The following GREB1L variants were observed in gnomAD, a reference collection of about 807,000 sequenced individuals.
GREB1L encodes GREB1 like retinoic acid receptor coactivator, also known as GREB1-like protein.
GREB1L carries 17 observed loss-of-function variants against 200.8 expected under a neutral mutation model. That is an observed-to-expected ratio of 0.08 (90% CI 0.06 to 0.13). The LOEUF (loss-of-function observed/expected upper bound fraction) is 0.13, where lower values mean the gene tolerates loss of function less well. Among genes scored for constraint, GREB1L ranks in the 10% least tolerant of loss-of-function variants. The probability of loss-of-function intolerance (pLI) is 1.00; values close to 1 mark genes in which losing one functional copy is unlikely to be tolerated. For synonymous variants in GREB1L, 789 were observed against 893.0 expected, an observed-to-expected ratio of 0.88 and a Z score of 2.08; for missense variants, 1,657 against 2,367.7, an observed-to-expected ratio of 0.70 and a Z score of 6.23.
At chr18:21,404,588 G>C (rs1345053613) in intron 7 of GREB1L, among the ~76,000 whole-genome samples, 1 of 152,222 alleles carries the variant, frequency 6.6e-6, no homozygotes, top group African/African-American at 2.4e-5. Context: ...TAAGCTACCA[G>C]TCTGAGGCTT....
At chr18:21,344,945 CT>C (rs1021881573) in intron 1 of GREB1L, among the ~76,000 whole-genome samples, 1 of 152,102 alleles carries the variant, frequency 6.6e-6, no homozygotes, top group African/African-American at 2.4e-5. Flanking sequence ...CTTTGACTGC[CT>C]TTGGCTGAGT....
At position 21,283,693 on chromosome 18, in the gene GREB1L, G is replaced by A. The variant is rs551791921; in HGVS notation, c.-120+41300G>A. On this transcript the variant is annotated intron_variant, in intron 1 of 32. Transcript: ENST00000424526. ...CTCTAGGAAACATCCTTTAACATGA[G>A]CAGGGTACTCAAGTCACTGGAGTCA... 3.9e-5 allele frequency among the ~76,000 whole-genome samples: 6 copies of A among 152,304 alleles called. 1 individual carries two copies. The East Asian group carries it at 9.6e-4, about 24-fold the overall frequency.
chr18:21,358,736 G>A (rs988724069), intron 1 of GREB1L, among the ~76,000 whole-genome samples: 5 of 152,200 alleles, frequency 3.3e-5, no homozygotes, highest in African/African-American at 1.2e-4. Context: ...ATTGGGTAGC[G>A]TGTACACTGC....
At chr18:21,264,471 G>T (rs1057250762) in intron 1 of GREB1L, among the ~76,000 whole-genome samples, 11 of 152,136 alleles carry the variant, frequency 7.2e-5, no homozygotes, top group East Asian at 1.9e-4. Flanking sequence ...GATATTAAGG[G>T]TGTCATGGAT....
chr18:21,411,334 G>A (rs1305130306), intron 7 of GREB1L, among the ~76,000 whole-genome samples: 4 of 152,028 alleles, frequency 2.6e-5, no homozygotes, highest in African/African-American at 9.7e-5. Flanking sequence ...AGCCTCCCGA[G>A]TAGCTGGGAC....
intron 21 of GREB1L, among the ~76,000 whole-genome samples, chr18:21,497,953 C>T (rs914382323): frequency 6.6e-6 from 1 of 151,252 alleles, no homozygotes; most frequent in Non-Finnish European, 1.5e-5. Flanking sequence ...TCCTGAGTAG[C>T]TGGGATTACA....
At chr18:21,410,457 A>C (rs1281041965) in intron 7 of GREB1L, among the ~76,000 whole-genome samples, 1 of 152,014 alleles carries the variant, frequency 6.6e-6, no homozygotes, top group Non-Finnish European at 1.5e-5. Context: ...AAAGTTCAAG[A>C]CCAGCCTGGG....
chr18:21,440,143 T>G, intron 8 of GREB1L, 126 bp from the exon 9 acceptor site: 1 of 1,023,234 alleles, frequency 9.8e-7, no homozygotes, highest in Non-Finnish European at 1.4e-6. Context: ...AGGAGTGATT[T>G]AGACTTTCTG....
chr18:21,515,166 A>C (rs535682695), intron 28 of GREB1L, among the ~76,000 whole-genome samples: 4 of 152,092 alleles, frequency 2.6e-5, no homozygotes, highest in Admixed American at 6.6e-5. Context: ...TTCACTGTTC[A>C]CTCTGACACA....
At chr18:21,260,646 ATATT>A (rs1297960387) in intron 1 of GREB1L, among the ~76,000 whole-genome samples, 1 of 151,326 alleles carries the variant, frequency 6.6e-6, no homozygotes, top group Non-Finnish European at 1.5e-5. Context: ...CTTAACTCTT[ATATT>A]TAAAGCATTA....
intron 1 of GREB1L, among the ~76,000 whole-genome samples, chr18:21,261,106 C>G (rs1380808126): frequency 3.3e-5 from 5 of 151,958 alleles, no homozygotes; most frequent in Non-Finnish European, 7.4e-5. Context: ...AGCTTGCTAA[C>G]ATTAGCAGAA....
At chr18:21,439,734 GT>G in intron 8 of GREB1L, 97 bp downstream of exon 8, 1 of 788,232 alleles carries the variant, frequency 1.3e-6, no homozygotes, top group South Asian at 1.6e-5. Flanking sequence ...ACACTCTAGA[GT>G]TTTTTCTCAG....
At chr18:21,413,670 G>A (rs2031323495) in intron 7 of GREB1L, among the ~76,000 whole-genome samples, 1 of 152,086 alleles carries the variant, frequency 6.6e-6, no homozygotes, top group Non-Finnish European at 1.5e-5. Context: ...TGCTGAAGAG[G>A]CTCAATAAAT....
rs1161695222 is a variant in GREB1L, at chr18:21,374,973, T to C, written c.-9-8537T>C. Among the ~76,000 whole-genome samples the C allele has an allele frequency of 2.0e-5, 3 of 149,672 alleles. No homozygotes were observed. In the East Asian group the frequency reaches 6.1e-4, roughly 31 times the overall value. ...CTCAAGCAGTTCTCCCACCTCAGCC[T>C]CCCAAGTAGCTGAGACTACAGGCAC... is the stretch of plus-strand genomic sequence containing the variant. On this transcript the variant is annotated intron_variant, in intron 2 of 32. Coordinates refer to ENST00000424526, the MANE Select transcript of GREB1L (RefSeq NM_001142966.3).
At chr18:21,487,453 A>T (rs1406875059) in intron 18 of GREB1L, among the ~76,000 whole-genome samples, 2 of 152,330 alleles carry the variant, frequency 1.3e-5, no homozygotes, top group East Asian at 3.9e-4. Context: ...GATTATCTAT[A>T]CTTATTTCCT....
chr18:21,464,645 A>G (rs1299864537), intron 15 of GREB1L, among the ~76,000 whole-genome samples: 1 of 152,138 alleles, frequency 6.6e-6, no homozygotes, highest in African/African-American at 2.4e-5. Context: ...TATCTCTACA[A>G]TGGAGAGATC....
intron 25 of GREB1L, among the ~76,000 whole-genome samples, chr18:21,507,207 C>A (rs889752124): frequency 2.0e-5 from 3 of 152,094 alleles, no homozygotes; most frequent in Non-Finnish European, 4.4e-5. Flanking sequence ...ATAGAAGACC[C>A]AAGTCCCCTG....
chr18:21,423,387 CAG>C (rs1044292944), intron 7 of GREB1L, among the ~76,000 whole-genome samples: 3 of 152,162 alleles, frequency 2.0e-5, no homozygotes, highest in Non-Finnish European at 2.9e-5. Flanking sequence ...CTGCTAGAAT[CAG>C]AGTTTAAGGG....
chr18:21,438,164 C>G (rs2033665795), intron 7 of GREB1L, among the ~76,000 whole-genome samples: 1 of 152,008 alleles, frequency 6.6e-6, no homozygotes, highest in Non-Finnish European at 1.5e-5. Flanking sequence ...GCCCCAGCTA[C>G]TTGGCAGGCT....
Sources: gnomAD v4.1 joint callset for allele counts (sites outside exome capture counted in the v4.1 genomes callset) on GRCh38, gnomAD v4.1.1 for gene constraint, MANE v1.5 for transcripts, NCBI Gene and HGNC (gene_info 2026-07-23, HGNC 2026-07-21) for gene names.